Variants in ZNF250 observed in about 807,000 individuals in gnomAD.
ZNF250 encodes the protein zinc finger protein 250, also known as zinc finger protein (clone 647).
A neutral mutation model predicts 37.1 loss-of-function variants in ZNF250; 13 were observed. That is an observed-to-expected ratio of 0.35 (90% CI 0.23 to 0.56). The LOEUF is 0.56. ZNF250 is among the 20% of genes least tolerant of loss of function. ZNF250 has a pLI of 0.87. For synonymous variants in ZNF250, 251 were observed against 265.6 expected (o/e 0.94, Z 0.54); for missense variants, 474 against 697.9 (o/e 0.68, Z 3.61).
intron 4 of ZNF250, among the ~76,000 whole-genome samples, chr8:144,888,048 C>A (rs1832022268): frequency 6.6e-6 from 1 of 152,202 alleles, no homozygotes; most frequent in African/African-American, 2.4e-5. Flanking sequence ...CACATTATGG[C>A]AGGACAGGCT....
chr8:144,883,608 G>A (rs1831658267), intron 5 of ZNF250, among the ~76,000 whole-genome samples: 1 of 152,094 alleles, frequency 6.6e-6, no homozygotes, highest in African/African-American at 2.4e-5. Flanking sequence ...CCAAAGTGCT[G>A]GGATTACAGG....
chr8:144,899,390 T>C (rs534556725), intron 1 of ZNF250, among the ~76,000 whole-genome samples: 1 of 152,334 alleles, frequency 6.6e-6, no homozygotes, highest in East Asian at 1.9e-4. Context: ...AGATGTGAAA[T>C]GTTTCCAACA....
intron 3 of ZNF250, 101 bp downstream of exon 3, chr8:144,889,832 C>T: frequency 6.7e-7 from 1 of 1,486,244 alleles, no homozygotes. Flanking sequence ...GTGATGAGAG[C>T]AAACCTCCAG....
rs141771347 is a variant in ZNF250, at chr8:144,894,710, T to C, written c.-54-4307A>G. On this transcript the variant is annotated intron_variant, in intron 1 of 5. Transcript: ENST00000417550. ...TCTCACTTTGTAGTCCAGGCTGGAG[T>C]ACAGTGGCTCAATCACAGCTCAATG... Among the ~76,000 whole-genome samples the C allele has an allele frequency of 2.2e-3, 329 of 151,858 alleles. 3 individuals are homozygous for C. The highest frequency in any genetic ancestry group is 0.011 in the Admixed American group (174 of 15,218).
chr8:144,900,846 A>G (rs546726435), intron 1 of ZNF250, among the ~76,000 whole-genome samples: 2 of 152,176 alleles, frequency 1.3e-5, no homozygotes, highest in Non-Finnish European at 2.9e-5. Context: ...ATGTGCATCA[A>G]ACAGAAAAAA....
chr8:144,881,401 G>A lies in ZNF250; in HGVS notation c.*114C>T. ...CTTTCTGGAGTTATTTTGTGACACT[G>A]AATCGCCAAAGAAAAGCTTCCTATA... On this transcript the variant is annotated 3_prime_UTR_variant, in exon 6 of 6. Coordinates refer to ENST00000417550, the MANE Select transcript of ZNF250 (RefSeq NM_001109689.4). 7.1e-7 allele frequency: 1 copy of A among 1,418,338 alleles called. No individual in the cohort carries two copies. The highest frequency in any genetic ancestry group is 9.3e-7 in the Non-Finnish European group (1 of 1,076,248). 87.9% of individuals were successfully genotyped at this position (1,418,338 alleles called of 1,614,324 possible). A position where few individuals can be genotyped will look rare whatever the true frequency, so the allele number is the denominator to read the frequency against.
At position 144,891,590 on chromosome 8, in the gene ZNF250, G is replaced by A. The variant is rs1832340544; in HGVS notation, c.-54-1187C>T. On this transcript the variant is annotated intron_variant, in intron 1 of 5. Coordinates refer to ENST00000417550, the MANE Select transcript of ZNF250 (RefSeq NM_001109689.4). The surrounding 1 kb of genome is among the most constrained non-coding windows in gnomAD (Gnocchi z 4.0). ...AATCAGGCCGGGTGCAGTGGCTTAT[G>A]CCTGTAATCCCAGCACTTTGGGAGG... 6.6e-6 allele frequency among the ~76,000 whole-genome samples: 1 copy of A among 151,924 alleles called. No individual in the cohort carries two copies. Among genetic ancestry groups the A allele is most frequent in the Non-Finnish European group, 1.5e-5 (1 of 67,980 alleles).
chr8:144,897,372 G>A lies in ZNF250; in HGVS notation c.-55+4027C>T, dbSNP rs117880307. On this transcript the variant is annotated intron_variant, in intron 1 of 5. Coordinates refer to ENST00000417550, the MANE Select transcript of ZNF250 (RefSeq NM_001109689.4). The surrounding 1 kb of genome is among the most constrained non-coding windows in gnomAD (Gnocchi z 5.2). ...TCTGAGCCACTTGTGAGCACAAGGCGAAACACTGCTAAACTTGACCTAATC... is the reference window on the plus strand; with the variant it reads ...TCTGAGCCACTTGTGAGCACAAGGCAAAACACTGCTAAACTTGACCTAATC... 1.4e-4 allele frequency among the ~76,000 whole-genome samples: 21 copies of A among 152,314 alleles called. No individual in the cohort carries two copies. The highest frequency in any genetic ancestry group is 2.1e-4 in the South Asian group (1 of 4,828).
intron 5 of ZNF250, 50 bp downstream of exon 5, chr8:144,886,790 T>C: frequency 6.4e-7 from 1 of 1,552,904 alleles, no homozygotes; most frequent in South Asian, 1.1e-5. Context: ...ACATTAGTGT[T>C]AACACCTTCA....
intron 4 of ZNF250, among the ~76,000 whole-genome samples, chr8:144,889,002 T>G (rs1019534286): frequency 4.6e-5 from 7 of 152,166 alleles, no homozygotes; most frequent in African/African-American, 1.7e-4. Context: ...TCTCCTGACC[T>G]CGTGATCCAC....
At chr8:144,895,561 G>A (rs1832660525) in intron 1 of ZNF250, among the ~76,000 whole-genome samples, 1 of 152,118 alleles carries the variant, frequency 6.6e-6, no homozygotes, top group Admixed American at 6.5e-5. Flanking sequence ...ACACACAGAG[G>A]AAATACTCCA....
intron 1 of ZNF250, among the ~76,000 whole-genome samples, chr8:144,892,081 AACTG>A (rs1208558024): frequency 6.6e-6 from 1 of 152,236 alleles, no homozygotes; most frequent in Non-Finnish European, 1.5e-5. Flanking sequence ...ACAATAAACT[AACTG>A]CCTGCCTCTG....
intron 1 of ZNF250, chr8:144,895,066 G>C (rs1259967938): frequency 1.3e-5 from 2 of 152,166 alleles, no homozygotes. Flanking sequence ...GCATGGGAAA[G>C]TGGAGTTTCT....
intron 5 of ZNF250, among the ~76,000 whole-genome samples, chr8:144,885,768 T>A (rs938392571): frequency 6.6e-6 from 1 of 152,230 alleles, no homozygotes. Context: ...GCCTATAGGC[T>A]AAAGAAATAG....
At chr8:144,883,826 C>A (rs543817164) in intron 5 of ZNF250, among the ~76,000 whole-genome samples, 2 of 152,076 alleles carry the variant, frequency 1.3e-5, no homozygotes, top group East Asian at 1.9e-4. Flanking sequence ...GCAGGTCGAG[C>A]GCTCTGCAGG....
rs1022083845 is a variant in ZNF250 at position 144,880,335 on chromosome 8, A to G, written c.*1180T>C. 2.4e-6 allele frequency: 1 copy of G among 421,274 alleles called. No homozygotes were observed. The highest frequency in any genetic ancestry group is 2.0e-5 in the African/African-American group (1 of 49,338). 26.1% of individuals were successfully genotyped at this position (421,274 alleles called of 1,614,324 possible). ...AGTATTTTCAGCATTGTTTTGGGGG[A>G]AATACCATAAGATGTAAAGAGGTAC... On this transcript the variant is annotated 3_prime_UTR_variant, in exon 6 of 6. Transcript: ENST00000417550.
rs571722789 is a variant in ZNF250 at position 144,890,244 on chromosome 8, G to A, written c.42+64C>T. 2.0e-5 allele frequency: 30 copies of A among 1,525,268 alleles called. No homozygotes were observed. In the African/African-American group the frequency reaches 2.3e-4, roughly 12 times the overall value. 94.5% of individuals were successfully genotyped at this position (1,525,268 alleles called of 1,614,324 possible). A position where few individuals can be genotyped will look rare whatever the true frequency, so the allele number is the denominator to read the frequency against. ...CTCTGGCTGCTCTTAGGAGCTCTAC[G>A]GGGCACGGAAGGAACCACAGGGCTC... On this transcript the variant is annotated intron_variant, in intron 2 of 5. Coordinates refer to ENST00000417550, the MANE Select transcript of ZNF250 (RefSeq NM_001109689.4). The surrounding 1 kb of genome is among the most constrained non-coding windows in gnomAD (Gnocchi z 5.1).
At chr8:144,885,658 T>A (rs1289356397) in intron 5 of ZNF250, among the ~76,000 whole-genome samples, 1 of 152,150 alleles carries the variant, frequency 6.6e-6, no homozygotes, top group African/African-American at 2.4e-5. Flanking sequence ...TAGTGTGGGG[T>A]CTCAGTATCT....
intron 1 of ZNF250, among the ~76,000 whole-genome samples, chr8:144,900,787 A>G (rs755623797): frequency 5.3e-5 from 8 of 152,182 alleles, no homozygotes; most frequent in Non-Finnish European, 1.2e-4. Context: ...ATAGCTAAGT[A>G]AAGTGGCGCT....
Sources: allele counts gnomAD v4.1 joint callset (sites outside exome capture counted in the v4.1 genomes callset), GRCh38; gene constraint gnomAD v4.1.1; non-coding constraint Gnocchi (gnomAD v3.1); transcripts MANE v1.5; gene names NCBI Gene and HGNC (gene_info 2026-07-23, HGNC 2026-07-21).